TEX29: variants seen among roughly 807,000 people sequenced by gnomAD.
TEX29 encodes the protein testis expressed 29.
TEX29 carries 26 observed loss-of-function variants against 18.2 expected under a neutral mutation model. The observed-to-expected ratio is 1.43, with a 90% CI of 1.04 to 1.98. TEX29 has a LOEUF of 1.98. Ranked by LOEUF, TEX29 falls within the 30% of genes most tolerant of loss-of-function variation. TEX29 has a pLI of 0.00. For missense variants in TEX29, 177 were observed against 194.2 expected (o/e 0.91, Z 0.53); for synonymous variants, 83 against 78.5 (o/e 1.06, Z -0.31).
At chr13:111,328,963 G>C (rs1309363481) in intron 3 of TEX29, among the ~76,000 whole-genome samples, 1 of 152,244 alleles carries the variant, frequency 6.6e-6, no homozygotes, top group Non-Finnish European at 1.5e-5. Flanking sequence ...TTCGAAGGGA[G>C]GTGGGAGAAG....
intron 3 of TEX29, among the ~76,000 whole-genome samples, chr13:111,328,669 C>A (rs868127439): frequency 6.6e-6 from 1 of 152,150 alleles, no homozygotes; most frequent in Non-Finnish European, 1.5e-5. Flanking sequence ...GGCCAGTGGC[C>A]GGGTGTGGGG....
intron 2 of TEX29, among the ~76,000 whole-genome samples, chr13:111,326,548 C>T (rs1289773481): frequency 1.4e-4 from 18 of 131,694 alleles, no homozygotes; most frequent in East Asian, 6.8e-4. Flanking sequence ...GTGGAGACTG[C>T]GGGCAACGCG....
chr13:111,331,182 C>A (rs1403131154), intron 3 of TEX29, among the ~76,000 whole-genome samples: 1 of 152,190 alleles, frequency 6.6e-6, no homozygotes, highest in Non-Finnish European at 1.5e-5. Context: ...TATGCGAGTT[C>A]CAATTTCTCC....
intron 3 of TEX29, chr13:111,339,518 ATGAGCCAGCGCCATCTTTCCATGC>A (rs1455626259): frequency 1.1e-4 from 45 of 425,552 alleles, no homozygotes; most frequent in African/African-American, 9.2e-4. Context: ...CCCGGGGGTC[ATGAGCCAGCGCCATCTTTCCATGC>A]ACTCCCGGGG....
chr13:111,320,988 G>GGGGGGC, intron 2 of TEX29, 40 bp downstream of exon 2: 2 of 431,428 alleles, frequency 4.6e-6, no homozygotes, highest in East Asian at 6.6e-5. Flanking sequence ...TGGGGTGGGG[G>GGGGGGC]AGCAGTTGGG....
upstream of TEX29, among the ~76,000 whole-genome samples, chr13:111,319,657 T>G (rs2093660551): frequency 6.6e-6 from 1 of 152,120 alleles, no homozygotes; most frequent in African/African-American, 2.4e-5. Context: ...ACACAGTGTC[T>G]CCCTCTGTTG....
intron 2 of TEX29, among the ~76,000 whole-genome samples, chr13:111,325,022 G>C (rs1222841398): frequency 6.6e-6 from 1 of 152,182 alleles, no homozygotes; most frequent in South Asian, 2.1e-4. Flanking sequence ...CCACGCAGAC[G>C]GGGTGACGGG....
At chr13:111,325,251 T>C (rs2093670923) in intron 2 of TEX29, among the ~76,000 whole-genome samples, 1 of 152,168 alleles carries the variant, frequency 6.6e-6, no homozygotes, top group Admixed American at 6.5e-5. Flanking sequence ...CGATGGCTCC[T>C]CTCCCTCTTC....
At position 111,343,153 on chromosome 13, in the gene TEX29, T is replaced by A. The variant is rs1047741825; in HGVS notation, c.415+222T>A. ...GAGTTTCCTTCTGTGAGTCTTGTCC[T>A]CCCCCTTCCCATCCCCTTTTGCCTC... On this transcript the variant is annotated intron_variant, in intron 5 of 5. Coordinates refer to ENST00000283547, the MANE Select transcript of TEX29 (RefSeq NM_152324.3). Among the ~76,000 whole-genome samples the A allele has an allele frequency of 1.3e-5, 2 of 152,248 alleles. 1 individual carries two copies. The highest frequency in any genetic ancestry group is 6.8e-3 in the Middle Eastern group (2 of 294).
rs542712621 is a variant in TEX29, at chr13:111,325,939, T to C, written c.59-2244T>C. Among the ~76,000 whole-genome samples the C allele has an allele frequency of 2.8e-4, 42 of 152,388 alleles. 1 individual carries two copies. The South Asian group carries it at 8.3e-3, about 30-fold the overall frequency. ...ATCCGCTGTCACCTGGAGCAAGTCT[T>C]CAGAAACCTTTGTTCTCCTGGCTCT... On this transcript the variant is annotated intron_variant, in intron 2 of 5. Coordinates refer to ENST00000283547, the MANE Select transcript of TEX29 (RefSeq NM_152324.3).
upstream of TEX29, among the ~76,000 whole-genome samples, chr13:111,320,382 C>A (rs567306342): frequency 2.0e-5 from 3 of 152,350 alleles, no homozygotes; most frequent in South Asian, 4.1e-4. Context: ...AGCACCTGTG[C>A]CCACAGGCTT....
intron 3 of TEX29, among the ~76,000 whole-genome samples, chr13:111,331,930 T>C (rs900905149): frequency 6.6e-6 from 1 of 152,234 alleles, no homozygotes; most frequent in Non-Finnish European, 1.5e-5. Context: ...CCTTAGCCGG[T>C]GCCACAGTTT....
At chr13:111,326,638 A>G (rs28513677) in intron 2 of TEX29, among the ~76,000 whole-genome samples, 117 of 9,814 alleles carry the variant, frequency 0.012, 3 homozygotes, top group Non-Finnish European at 0.017. Context: ...GGAGGAGACC[A>G]CGGGCAGTGC....
intron 3 of TEX29, among the ~76,000 whole-genome samples, chr13:111,329,032 A>G (rs1400450843): frequency 6.6e-6 from 1 of 152,210 alleles, no homozygotes; most frequent in Non-Finnish European, 1.5e-5. Flanking sequence ...TCCTCAGCAT[A>G]TTCTCGCCTG....
At chr13:111,329,418 CT>C (rs1166197965) in intron 3 of TEX29, among the ~76,000 whole-genome samples, 1 of 151,778 alleles carries the variant, frequency 6.6e-6, no homozygotes, top group African/African-American at 2.4e-5. Flanking sequence ...CTTCTTCTTC[CT>C]TTTACTTCTT....
At chr13:111,325,640 C>A (rs59266481) in intron 2 of TEX29, among the ~76,000 whole-genome samples, 4,703 of 152,012 alleles carry the variant, frequency 0.031, 121 homozygotes, top group African/African-American at 0.07. Flanking sequence ...TCAGGGTCTA[C>A]TGGATTTTTA....
chr13:111,328,100 A>G, intron 2 of TEX29, 83 bp from the exon 3 acceptor site: 1 of 876,480 alleles, frequency 1.1e-6, no homozygotes, highest in South Asian at 1.4e-5. Flanking sequence ...GCTGCTCCCC[A>G]CACCGGTTCC....
At chr13:111,336,315 A>C (rs1199140952) in intron 3 of TEX29, among the ~76,000 whole-genome samples, 1 of 152,198 alleles carries the variant, frequency 6.6e-6, no homozygotes, top group African/African-American at 2.4e-5. Context: ...TTTCTTTGAC[A>C]TCTTTCTCAT....
intron 3 of TEX29, among the ~76,000 whole-genome samples, chr13:111,337,009 C>T (rs1006700435): frequency 6.6e-6 from 1 of 152,204 alleles, no homozygotes; most frequent in African/African-American, 2.4e-5. Context: ...AGCCAAGACA[C>T]AAATTCATAC....
Sources: allele counts gnomAD v4.1 joint callset (sites outside exome capture counted in the v4.1 genomes callset), GRCh38; gene constraint gnomAD v4.1.1; transcripts MANE v1.5; gene names NCBI Gene and HGNC (gene_info 2026-07-23, HGNC 2026-07-21).